RARB: variants seen among roughly 807,000 people sequenced by gnomAD.
RARB encodes HBV-activated protein.
A neutral mutation model predicts 51.9 loss-of-function variants in RARB; 17 were observed. That is an observed-to-expected ratio of 0.33 (90% CI 0.22 to 0.49). RARB has a LOEUF of 0.49. Ranked by LOEUF, RARB falls within the 20% of genes least tolerant of loss-of-function variation. RARB has a pLI of 0.99. For missense variants in RARB, 369 were observed against 550.8 expected (o/e 0.67, Z 3.30); for synonymous variants, 215 against 195.4 (o/e 1.10, Z -0.84).
intron 2 of RARB, among the ~76,000 whole-genome samples, chr3:24,975,214 G>A (rs1010659831): frequency 6.6e-6 from 1 of 152,126 alleles, no homozygotes; most frequent in African/African-American, 2.4e-5. Flanking sequence ...GTGAGAAGTA[G>A]CATGTGCTGA....
At chr3:24,945,674 CT>C (rs1013155335) in intron 2 of RARB, among the ~76,000 whole-genome samples, 14 of 152,216 alleles carry the variant, frequency 9.2e-5, no homozygotes, top group African/African-American at 1.9e-4. Flanking sequence ...AGGGAATTCC[CT>C]TGGCACATTT....
At chr3:25,344,139 G>A (rs1034005946) in intron 5 of RARB, among the ~76,000 whole-genome samples, 28 of 152,142 alleles carry the variant, frequency 1.8e-4, no homozygotes, top group Non-Finnish European at 5.9e-5. Flanking sequence ...TGCCTCAGGG[G>A]TGATGGGGCA....
chr3:25,173,768 G>A (rs1469220120), intron 4 of RARB, among the ~76,000 whole-genome samples: 2 of 152,200 alleles, frequency 1.3e-5, no homozygotes, highest in African/African-American at 4.8e-5. Context: ...TGCCCTCCTG[G>A]TGAGTGCATG....
chr3:25,450,228 G>A (rs1012730725), intron 1 of RARB, among the ~76,000 whole-genome samples: 1 of 152,132 alleles, frequency 6.6e-6, no homozygotes, highest in Non-Finnish European at 1.5e-5. Flanking sequence ...TTTCTGTGGT[G>A]ACCATATTAG....
At chr3:25,457,959 A>T (rs1694998446) in intron 1 of RARB, among the ~76,000 whole-genome samples, 1 of 152,176 alleles carries the variant, frequency 6.6e-6, no homozygotes, top group East Asian at 1.9e-4. Context: ...GTTGAAGCAC[A>T]TGGATGGAAG....
At chr3:24,875,860 T>A (rs1257125423) in intron 2 of RARB, among the ~76,000 whole-genome samples, 1 of 152,120 alleles carries the variant, frequency 6.6e-6, no homozygotes, top group Non-Finnish European at 1.5e-5. Context: ...TTAGTTGTCA[T>A]GTTTTTATAG....
intron 1 of RARB, among the ~76,000 whole-genome samples, chr3:25,437,438 C>T (rs891504129): frequency 5.3e-5 from 8 of 152,176 alleles, no homozygotes; most frequent in African/African-American, 1.9e-4. Flanking sequence ...TGGGTGTCTG[C>T]CATGTGCCAG....
At chr3:25,135,809 C>T (rs1480240419) in intron 4 of RARB, among the ~76,000 whole-genome samples, 4 of 151,922 alleles carry the variant, frequency 2.6e-5, no homozygotes, top group Non-Finnish European at 4.4e-5. Context: ...ATCAATCAGG[C>T]ACCATGCACC....
In RARB at chr3:25,382,844, C is replaced by G. The variant is rs6765860; in HGVS notation, c.179-78349C>G. ...CGGCACTCCAGCCTGGGTGACAGAC[C>G]AAGACTCCATCTCAAACAAATAAAC... On this transcript the variant is annotated intron_variant, in intron 5 of 11. Transcript: ENST00000383772. Among the ~76,000 whole-genome samples the G allele has an allele frequency of 5.7e-3, 871 of 152,058 alleles. 8 individuals carry two copies. The highest frequency in any genetic ancestry group is 0.02 in the African/African-American group (840 of 41,426).
chr3:25,261,425 G>A (rs915222867), intron 5 of RARB, among the ~76,000 whole-genome samples: 14 of 151,990 alleles, frequency 9.2e-5, no homozygotes, highest in East Asian at 7.8e-4. Flanking sequence ...TGTAGTACCT[G>A]TAACATGCTA....
In RARB at chr3:25,006,130, C is replaced by A. The variant is rs4858679; in HGVS notation, c.-379-53995C>A. On this transcript the variant is annotated intron_variant, in intron 2 of 11. Transcript: ENST00000383772. The stretch of plus-strand genomic sequence containing the variant: ...TCAAATGTTGTATTATCAGAAAGAC[C>A]TTTCCTGACCACCTTATGAAATAGT... Among the ~76,000 whole-genome samples the A allele has an allele frequency of 3.4e-3, 524 of 152,094 alleles. 3 individuals carry two copies. Among genetic ancestry groups the A allele is most frequent in the African/African-American group, 0.011 (441 of 41,498 alleles).
At chr3:25,429,032 T>G in intron 1 of RARB, 144 bp downstream of exon 1, 9 of 1,079,078 alleles carry the variant, frequency 8.3e-6, no homozygotes, top group Non-Finnish European at 1.1e-5. Flanking sequence ...TATGCTGGCA[T>G]GCATATTGAT....
chr3:24,880,639 C>T (rs928595374), intron 2 of RARB, among the ~76,000 whole-genome samples: 1 of 151,858 alleles, frequency 6.6e-6, no homozygotes, highest in Non-Finnish European at 1.5e-5. Context: ...GAGGTGTCAC[C>T]TATATATGGG....
chr3:25,514,934 T>A (rs1449882750), intron 3 of RARB, among the ~76,000 whole-genome samples: 1 of 152,212 alleles, frequency 6.6e-6, no homozygotes, highest in Non-Finnish European at 1.5e-5. Flanking sequence ...ACTTGGATAT[T>A]GTGTCCTTGG....
At chr3:25,402,200 T>C (rs6550971) in intron 5 of RARB, among the ~76,000 whole-genome samples, 100,448 of 152,096 alleles carry the variant, frequency 0.66, 33,414 homozygotes, top group East Asian at 0.83. Context: ...GGTTAAAGAA[T>C]ACAATTTGAA....
intron 3 of RARB, among the ~76,000 whole-genome samples, chr3:25,108,263 A>C (rs778601807): frequency 3.9e-5 from 6 of 152,200 alleles, no homozygotes; most frequent in African/African-American, 1.4e-4. Flanking sequence ...ATGGGAAAAA[A>C]ATCATGGATA....
In RARB at chr3:25,516,631, C is replaced by CTTTT. The variant is rs559135603; in HGVS notation, c.448+15318_448+15321dup. Among the ~76,000 whole-genome samples the CTTTT allele has an allele frequency of 2.7e-4, 35 of 131,728 alleles. 2 individuals carry two copies. Among genetic ancestry groups the CTTTT allele is most frequent in the African/African-American group, 9.9e-4 (30 of 30,454 alleles). The allele number at this position is 131,728 out of a possible 152,430, so 86.4% of individuals were successfully genotyped here. On this transcript the variant is annotated intron_variant, in intron 3 of 7. Transcript: ENST00000330688. ...CAAAGGTTCATCTTTATTTCCTTGTCTTTTTTTTTTTTTGAGACAGGGTCA... is the reference window on the plus strand; with the variant it reads ...CAAAGGTTCATCTTTATTTCCTTGTCTTTTTTTTTTTTTTTTTGAGACAGGGTCA...
In RARB at chr3:25,421,403, C is replaced by CTTTT. The variant is rs766378555; in HGVS notation, c.179-39765_179-39762dup. 8.3e-4 allele frequency among the ~76,000 whole-genome samples: 60 copies of CTTTT among 72,370 alleles called. 3 individuals are homozygous for CTTTT. The highest frequency in any genetic ancestry group is 2.9e-3 in the African/African-American group (45 of 15,506). The allele number at this position is 72,370 out of a possible 152,430, so 47.5% of individuals were successfully genotyped here. On this transcript the variant is annotated intron_variant, in intron 5 of 11. Transcript: ENST00000383772. Reference sequence around the variant, plus strand: ...TTGCACTAACATTTTTTCTTCTTTTCTTTTTTTTTTTTTTTTTTTTTTTTT... The same window carrying CTTTT: ...TTGCACTAACATTTTTTCTTCTTTTCTTTTTTTTTTTTTTTTTTTTTTTTTTTTT...
chr3:25,419,258 A>C (rs1180572396), intron 5 of RARB, among the ~76,000 whole-genome samples: 1 of 152,132 alleles, frequency 6.6e-6, no homozygotes, highest in Non-Finnish European at 1.5e-5. Context: ...GACCTGCTTC[A>C]GGGGAGAAGG....
Sources: gnomAD v4.1 joint callset for allele counts (sites outside exome capture counted in the v4.1 genomes callset) on GRCh38, gnomAD v4.1.1 for gene constraint, MANE v1.5 for transcripts, NCBI Gene and HGNC (gene_info 2026-07-23, HGNC 2026-07-21) for gene names.